TRAPPC9: variants seen among roughly 807,000 people sequenced by gnomAD.
The protein encoded by TRAPPC9 is IKK2 binding protein.
In TRAPPC9, 83 loss-of-function variants were observed where a neutral mutation model predicts 124.0. That is an observed-to-expected ratio of 0.67 (90% confidence interval 0.56 to 0.80). The LOEUF (loss-of-function observed/expected upper bound fraction) is 0.80. Ranked by LOEUF, TRAPPC9 falls within the 30% of genes least tolerant of loss-of-function variation. The probability of loss-of-function intolerance (pLI) is 0.00; values close to 1 mark genes in which losing one functional copy is unlikely to be tolerated. For missense variants in TRAPPC9, 1,302 were observed against 1,508.3 expected, an observed-to-expected ratio of 0.86 and a Z score of 2.27; for synonymous variants, 638 against 617.5, an observed-to-expected ratio of 1.03 and a Z score of -0.49.
chr8:140,210,341 C>T (rs1286773399), intron 17 of TRAPPC9, among the ~76,000 whole-genome samples: 2 of 152,206 alleles, frequency 1.3e-5, no homozygotes, highest in African/African-American at 2.4e-5. Context: ...GAACGCGCAC[C>T]GTCAATGCAG....
chr8:139,933,563 G>C (rs1363536381), intron 19 of TRAPPC9: 1 of 152,326 alleles, frequency 6.6e-6, no homozygotes, highest in Admixed American at 6.5e-5. Flanking sequence ...CGCCCACCGC[G>C]GCCGCTTCTC....
At chr8:140,045,276 C>T (rs113262691) in intron 17 of TRAPPC9, among the ~76,000 whole-genome samples, 1 of 152,184 alleles carries the variant, frequency 6.6e-6, no homozygotes, top group Non-Finnish European at 1.5e-5. Flanking sequence ...GATGGTGGCA[C>T]ATCTGCCTGC....
Position 140,360,125 on chromosome 8 carries a change from T to C in TRAPPC9, c.1420A>G (p.Met474Val), listed in dbSNP as rs752614138. The C allele has an allele frequency of 6.2e-6, 10 of 1,614,132 alleles. No individual in the cohort carries two copies. The Admixed American group carries it at 1.5e-4, about 24-fold the overall frequency. ...CTGACAGAGAGGGCAGGGTTCCCCA[T>C]CCTTCGGGAGGCGTAGACCAATTCA... is the stretch of plus-strand genomic sequence containing the variant. ...LHELVYASRR[M>V]GNPALSVRHL... is the part of the protein sequence containing the mutation. Residue 474 changes from methionine (M) to valine (V), a missense_variant, in exon 9 of 23, where the codon ATG becomes GTG. Physicochemically the swap from Met to Val is conservative, Grantham distance 21 (BLOSUM62 1). Around this residue, in one of 3 missense-constraint regions of TRAPPC9, gnomAD observed 657 missense variants for 811.2 expected, o/e 0.81. Coordinates refer to ENST00000438773, the MANE Select transcript of TRAPPC9 (RefSeq NM_001160372.4).
At chr8:140,145,796 G>C (rs1056008760) in intron 17 of TRAPPC9, among the ~76,000 whole-genome samples, 2 of 152,014 alleles carry the variant, frequency 1.3e-5, no homozygotes, top group African/African-American at 4.8e-5. Context: ...TTTCATACTG[G>C]ATTTTATTTC....
chr8:139,780,891 G>GA (rs542922861), intron 21 of TRAPPC9, among the ~76,000 whole-genome samples: 1 of 151,690 alleles, frequency 6.6e-6, no homozygotes, highest in Admixed American at 6.6e-5. Flanking sequence ...AAAAAAGAGG[G>GA]AAAAAAAGGC....
chr8:139,782,559 A>G (rs1821908484), intron 21 of TRAPPC9, among the ~76,000 whole-genome samples: 1 of 152,232 alleles, frequency 6.6e-6, no homozygotes, highest in African/African-American at 2.4e-5. Flanking sequence ...GAGCTCCAAA[A>G]TTCGTTAAGT....
intron 21 of TRAPPC9, among the ~76,000 whole-genome samples, chr8:139,762,849 C>A (rs1820331583): frequency 6.6e-6 from 1 of 152,198 alleles, no homozygotes; most frequent in African/African-American, 2.4e-5. Flanking sequence ...GAGTTGCCCA[C>A]CACGCACCCA....
intron 8 of TRAPPC9, among the ~76,000 whole-genome samples, chr8:140,369,967 A>T (rs912231189): frequency 6.6e-6 from 1 of 152,052 alleles, no homozygotes; most frequent in Admixed American, 6.5e-5. Context: ...AAAAAAATAA[A>T]AATAAAAAGG....
At chr8:140,399,324 A>G (rs1400028655) in intron 6 of TRAPPC9, among the ~76,000 whole-genome samples, 1 of 152,224 alleles carries the variant, frequency 6.6e-6, no homozygotes, top group Non-Finnish European at 1.5e-5. Context: ...AGACCCCAGA[A>G]TGGCAGATCC....
intron 17 of TRAPPC9, among the ~76,000 whole-genome samples, chr8:140,066,509 C>T (rs1842903103): frequency 6.6e-6 from 1 of 152,156 alleles, no homozygotes; most frequent in Admixed American, 6.5e-5. Context: ...TGAGCTGGGG[C>T]AAGACCTGTG....
intron 19 of TRAPPC9, among the ~76,000 whole-genome samples, chr8:139,966,619 G>A (rs911331106): frequency 4.6e-5 from 7 of 152,196 alleles, no homozygotes; most frequent in Non-Finnish European, 7.3e-5. Context: ...CACACTCTGC[G>A]TCTCAATAAA....
chr8:140,437,305 G>A (rs2132617262), intron 3 of TRAPPC9, among the ~76,000 whole-genome samples: 1 of 152,104 alleles, frequency 6.6e-6, no homozygotes, highest in East Asian at 1.9e-4. Context: ...ACAGGCATGA[G>A]CCACCATGCC....
At chr8:140,289,562 C>T (rs539749428) in intron 12 of TRAPPC9, among the ~76,000 whole-genome samples, 5 of 152,226 alleles carry the variant, frequency 3.3e-5, no homozygotes, top group African/African-American at 1.2e-4. Flanking sequence ...TAAAACTTTG[C>T]CCATGATTTG....
intron 17 of TRAPPC9, among the ~76,000 whole-genome samples, chr8:140,107,284 G>C (rs2060684641): frequency 6.6e-6 from 1 of 152,180 alleles, no homozygotes; most frequent in Non-Finnish European, 1.5e-5. Flanking sequence ...TGAAATCTCA[G>C]ATCCACAGGA....
At chr8:139,880,242 C>T (rs1563887522) in intron 21 of TRAPPC9, among the ~76,000 whole-genome samples, 1 of 152,148 alleles carries the variant, frequency 6.6e-6, no homozygotes, top group African/African-American at 2.4e-5. Context: ...GGTGTGCAGG[C>T]GGCCGGCATA....
chr8:139,853,292 C>T (rs1012033023), intron 21 of TRAPPC9, among the ~76,000 whole-genome samples: 1 of 152,148 alleles, frequency 6.6e-6, no homozygotes, highest in Non-Finnish European at 1.5e-5. Context: ...CAGTGTGGGT[C>T]CTCATGAGAA....
intron 16 of TRAPPC9, among the ~76,000 whole-genome samples, chr8:140,227,735 C>T (rs1329927234): frequency 1.3e-5 from 2 of 152,238 alleles, no homozygotes; most frequent in Non-Finnish European, 2.9e-5. Context: ...CCAAGGGCCA[C>T]GTCCGTGGCC....
intron 21 of TRAPPC9, among the ~76,000 whole-genome samples, chr8:139,750,351 T>A (rs1029825388): frequency 6.6e-6 from 1 of 152,178 alleles, no homozygotes; most frequent in Non-Finnish European, 1.5e-5. Flanking sequence ...TCCCCAGGCC[T>A]CAGCAGGCTC....
intron 18 of TRAPPC9, among the ~76,000 whole-genome samples, chr8:139,989,713 T>C (rs1837501141): frequency 6.6e-6 from 1 of 152,168 alleles, no homozygotes; most frequent in South Asian, 2.1e-4. Context: ...GTCACTTCTT[T>C]GGGTGGCCGT....
Sources: gnomAD v4.1 joint callset for allele counts (sites outside exome capture counted in the v4.1 genomes callset) on GRCh38, gnomAD v4.1.1 for gene constraint, gnomAD v4.1.1 regional missense constraint, MANE v1.5 for transcripts, NCBI Gene and HGNC (gene_info 2026-07-23, HGNC 2026-07-21) for gene names.